The following ASB18 variants were observed in gnomAD, a reference collection of about 807,000 sequenced individuals.
ASB18 encodes the protein ankyrin repeat and SOCS box protein 18.
A neutral mutation model predicts 33.4 loss-of-function variants in ASB18; 33 were observed. The ratio of observed to expected loss-of-function variants is 0.99; its 90% CI spans 0.75 to 1.32. The LOEUF is 1.32. Ranked by LOEUF, ASB18 falls within the 40% of genes most tolerant of loss-of-function variation. ASB18 has a pLI of 0.00. For synonymous variants in ASB18, 295 were observed against 307.6 expected, an observed-to-expected ratio of 0.96 and a Z score of 0.43; for missense variants, 694 against 655.5, an observed-to-expected ratio of 1.06 and a Z score of -0.64.
chr2:236,250,149 G>A lies in ASB18; in HGVS notation c.206-8747C>T, dbSNP rs1315513338. 6.6e-6 allele frequency: 1 copy of A among 152,232 alleles called. No homozygotes were observed. Among genetic ancestry groups the A allele is most frequent in the Non-Finnish European group, 1.5e-5 (1 of 68,052 alleles). 9.4% of individuals were successfully genotyped at this position (152,232 alleles called of 1,614,324 possible). On this transcript the variant is annotated intron_variant, in intron 1 of 5. Transcript: ENST00000409749. The surrounding 1 kb of genome is among the most constrained non-coding windows in gnomAD (Gnocchi z 4.1). ...TTTGAATGGTAACTATTATTTTCAT[G>A]TGACATTGGGATCTTTTCTTCTTGC...
chr2:236,210,272 A>C (rs529377603), intron 4 of ASB18: 2 of 152,384 alleles, frequency 1.3e-5, no homozygotes, highest in East Asian at 3.9e-4. Context: ...GCCGATGCCT[A>C]CATGACTTGG....
At position 236,214,843 on chromosome 2, in the gene ASB18, T is replaced by G. The variant is rs1310472754; in HGVS notation, c.620A>C (p.His207Pro). The change falls in exon 4 of 6, where the codon CAC becomes CCC. Residue 207 changes from histidine (H) to proline (P), a missense_variant. Transcript: ENST00000409749. This position sits in a 1 kb window ranked among gnomAD's most constrained non-coding sequence, Gnocchi z 6.5. ...GCCCACGCGCTGCACCGAGGCCCCG[T>G]GCTCCAGCAGCGCCTGCGCGCACCT... The part of the protein sequence containing the change: ...SLGCAQALLE[H>P]GASVQRVGGT... The G allele has an allele frequency of 1.6e-6, 2 of 1,212,644 alleles. No individual in the cohort carries two copies. The highest frequency in any genetic ancestry group is 3.9e-5 in the South Asian group (1 of 25,902). 75.1% of individuals were successfully genotyped at this position (1,212,644 alleles called of 1,614,324 possible).
Position 236,214,824 on chromosome 2 carries a change from G to T in ASB18, c.639C>A (p.Arg213=). The T allele has an allele frequency of 8.2e-7, 1 of 1,213,384 alleles. No individual in the cohort carries two copies. The highest frequency in any genetic ancestry group is 1.0e-6 in the Non-Finnish European group (1 of 975,870). 75.2% of individuals were successfully genotyped at this position (1,213,384 alleles called of 1,614,324 possible). A position where few individuals can be genotyped will look rare whatever the true frequency, so the allele number is the denominator to read the frequency against. Residue 213 remains arginine, a synonymous_variant, in exon 4 of 6, where the codon CGC becomes CGA. Transcript: ENST00000409749. This position sits in a 1 kb window ranked among gnomAD's most constrained non-coding sequence, Gnocchi z 6.5. ...ALLEHGASVQ[R]VGGTGRDTPL... ...GCGTGTCCCGGCCCGTGCCGCCCACGCGCTGCACCGAGGCCCCGTGCTCCA... is the reference window on the plus strand; with the variant it reads ...GCGTGTCCCGGCCCGTGCCGCCCACTCGCTGCACCGAGGCCCCGTGCTCCA...
In ASB18 at chr2:236,238,371, G is replaced by C. The variant is rs1183640210; in HGVS notation, c.329-415C>G. ...AGTTAGGGCAGCTTGAAAGAGGAAA[G>C]TGGGTTGTGGAATTTTCCCGAATCC... On this transcript the variant is annotated intron_variant, in intron 2 of 5. Coordinates refer to ENST00000409749, the MANE Select transcript of ASB18 (RefSeq NM_212556.4). This position sits in a 1 kb window ranked among gnomAD's most constrained non-coding sequence, Gnocchi z 5.2. 6.6e-6 allele frequency among the ~76,000 whole-genome samples: 1 copy of C among 152,170 alleles called. No homozygotes were observed. The highest frequency in any genetic ancestry group is 1.9e-4 in the East Asian group (1 of 5,192).
At chr2:236,198,774 A>C (rs917802891) in intron 4 of ASB18, among the ~76,000 whole-genome samples, 6 of 152,040 alleles carry the variant, frequency 3.9e-5, no homozygotes, top group African/African-American at 1.4e-4. Flanking sequence ...TCATTTCTTC[A>C]CTGATTTGTA....
At position 236,262,012 on chromosome 2, in the gene ASB18, G is replaced by A. The variant is rs925534623; in HGVS notation, c.205+2129C>T. On this transcript the variant is annotated intron_variant, in intron 1 of 5. Transcript: ENST00000409749. This position sits in a 1 kb window ranked among gnomAD's most constrained non-coding sequence, Gnocchi z 5.2. ...AATTGTGGGAGCTATAATTCAAGATGAGATTTGGGTGGGGACACAGCCAAA... is the reference window on the plus strand; with the variant it reads ...AATTGTGGGAGCTATAATTCAAGATAAGATTTGGGTGGGGACACAGCCAAA... 6.6e-6 allele frequency among the ~76,000 whole-genome samples: 1 copy of A among 152,176 alleles called. No individual in the cohort carries two copies. The highest frequency in any genetic ancestry group is 1.5e-5 in the Non-Finnish European group (1 of 68,046).
rs572015367 is a variant in ASB18, at chr2:236,208,303, A to C, written c.1101+6059T>G. On this transcript the variant is annotated intron_variant, in intron 4 of 5. Transcript: ENST00000409749. This position sits in a 1 kb window ranked among gnomAD's most constrained non-coding sequence, Gnocchi z 7.7. ...ACACATGTTGATATTTCTGGCTCAC[A>C]CGAGCCCCACTAACATGCCATTTCC... Among the ~76,000 whole-genome samples, 144 of 152,198 alleles carry C rather than the reference A, an allele frequency of 9.5e-4. No individual in the cohort carries two copies. Among genetic ancestry groups the C allele is most frequent in the African/African-American group, 3.4e-3 (140 of 41,520 alleles).
rs1035261263 is a variant in ASB18, at chr2:236,226,439, A to G, written c.596+11250T>C. On this transcript the variant is annotated intron_variant, in intron 3 of 5. Coordinates refer to ENST00000409749, the MANE Select transcript of ASB18 (RefSeq NM_212556.4). This position sits in a 1 kb window ranked among gnomAD's most constrained non-coding sequence, Gnocchi z 4.8. ...GAGAAAATGAAACAAGAAAGAAGAA[A>G]GAGGAGGAAGAAGAGGAAGACAGAA... Among the ~76,000 whole-genome samples the G allele has an allele frequency of 1.3e-5, 2 of 148,730 alleles. No homozygotes were observed. The highest frequency in any genetic ancestry group is 6.6e-5 in the Admixed American group (1 of 15,112).
intron 4 of ASB18, among the ~76,000 whole-genome samples, chr2:236,202,007 T>A (rs1415296603): frequency 2.0e-5 from 3 of 151,992 alleles, no homozygotes; most frequent in Non-Finnish European, 4.4e-5. Flanking sequence ...TGGGGTGCAA[T>A]CACGAGATCT....
At position 236,214,517 on chromosome 2, in the gene ASB18, C is replaced by A; in HGVS notation, c.946G>T (p.Gly316Cys). The A allele has an allele frequency of 6.8e-7, 1 of 1,461,480 alleles. No individual in the cohort carries two copies. The highest frequency in any genetic ancestry group is 1.5e-5 in the African/African-American group (1 of 67,084). The allele number at this position is 1,461,480 out of a possible 1,614,324, so 90.5% of individuals were successfully genotyped here. A position where few individuals can be genotyped will look rare whatever the true frequency, so the allele number is the denominator to read the frequency against. The change falls in exon 4 of 6, where the codon GGC (glycine) becomes TGC (cysteine). Residue 316 changes from glycine to cysteine, a missense_variant. Transcript: ENST00000409749. The surrounding 1 kb of genome is among the most constrained non-coding windows in gnomAD (Gnocchi z 6.5). ...TAGTCGAGCGCGCCCGCGTCGGCGC[C>A]GTGCCGCAGTAGGAGGCGCGCCAGG... ...HSLARLLLRH[G>C]ADAGALDYGG...
intron 1 of ASB18, among the ~76,000 whole-genome samples, chr2:236,254,774 A>G (rs2060684339): frequency 6.6e-6 from 1 of 152,010 alleles, no homozygotes; most frequent in South Asian, 2.1e-4. Flanking sequence ...CTTCAAGGGA[A>G]GTGGGTGATC....
rs2060636353 is a variant in ASB18 at position 236,244,702 on chromosome 2, T to C, written c.206-3300A>G. 6.6e-6 allele frequency among the ~76,000 whole-genome samples: 1 copy of C among 152,164 alleles called. No homozygotes were observed. The highest frequency in any genetic ancestry group is 2.4e-5 in the African/African-American group (1 of 41,438). On this transcript the variant is annotated intron_variant, in intron 1 of 5. Coordinates refer to ENST00000409749, the MANE Select transcript of ASB18 (RefSeq NM_212556.4). The surrounding 1 kb of genome is among the most constrained non-coding windows in gnomAD (Gnocchi z 6.1). The stretch of plus-strand genomic sequence containing the variant: ...TTTATTTGGAAGAGTAACCTGGCTT[T>C]TGGGTTGCCCCTTTCACCAAGATCT...
Position 236,249,364 on chromosome 2 carries a change from G to A in ASB18, c.206-7962C>T, listed in dbSNP as rs1160313138. The A allele has an allele frequency of 6.6e-6, 1 of 152,192 alleles. No individual in the cohort carries two copies. Among genetic ancestry groups the A allele is most frequent in the African/African-American group, 2.4e-5 (1 of 41,446 alleles). The allele number at this position is 152,192 out of a possible 1,614,324, so 9.4% of individuals were successfully genotyped here. On this transcript the variant is annotated intron_variant, in intron 1 of 5. Transcript: ENST00000409749. This position sits in a 1 kb window ranked among gnomAD's most constrained non-coding sequence, Gnocchi z 4.6. Reference sequence around the variant, plus strand: ...GCTAGCCCACTAACAGCATCACTTAGTGTATCTGGCAATCACACTGAGGAT... The same window carrying A: ...GCTAGCCCACTAACAGCATCACTTAATGTATCTGGCAATCACACTGAGGAT...
chr2:236,253,546 T>A lies in ASB18; in HGVS notation c.205+10595A>T, dbSNP rs2060678062. ...CACTTGCTGGTTAACTTATTATTAT[T>A]ATTATTATTATTATTATTGTGGTGG... is the stretch of plus-strand genomic sequence containing the variant. On this transcript the variant is annotated intron_variant, in intron 1 of 5. Coordinates refer to ENST00000409749, the MANE Select transcript of ASB18 (RefSeq NM_212556.4). The surrounding 1 kb of genome is among the most constrained non-coding windows in gnomAD (Gnocchi z 5.4). Among the ~76,000 whole-genome samples, 1 of 151,400 alleles carries A rather than the reference T, an allele frequency of 6.6e-6. No homozygotes were observed. The highest frequency in any genetic ancestry group is 2.1e-4 in the South Asian group (1 of 4,758).
Position 236,214,925 on chromosome 2 carries a change from C to A in ASB18, c.597-59G>T. ...ACGCAGGACGCCCGCACCCTTCCAC[C>A]CCCGGCCTGCTGCTGCAAAATATCA... On this transcript the variant is annotated intron_variant, in intron 3 of 5. Transcript: ENST00000409749. This position sits in a 1 kb window ranked among gnomAD's most constrained non-coding sequence, Gnocchi z 6.5. 1 of 1,188,850 alleles carries A rather than the reference C, an allele frequency of 8.4e-7. No homozygotes were observed. The highest frequency in any genetic ancestry group is 1.0e-6 in the Non-Finnish European group (1 of 958,258). 73.6% of individuals were successfully genotyped at this position (1,188,850 alleles called of 1,614,324 possible).
Position 236,203,620 on chromosome 2 carries a change from C to T in ASB18, c.1102-7235G>A, listed in dbSNP as rs1359460340. ...GTGGCTCATGCCTGTAATCCCAGCA[C>T]TTTGGGAAGCCAAGGCAGGCAGATG... On this transcript the variant is annotated intron_variant, in intron 4 of 5. Coordinates refer to ENST00000409749, the MANE Select transcript of ASB18 (RefSeq NM_212556.4). The surrounding 1 kb of genome is among the most constrained non-coding windows in gnomAD (Gnocchi z 6.0). Among the ~76,000 whole-genome samples, 1 of 151,988 alleles carries T rather than the reference C, an allele frequency of 6.6e-6. No individual in the cohort carries two copies. Among genetic ancestry groups the T allele is most frequent in the African/African-American group, 2.4e-5 (1 of 41,348 alleles).
chr2:236,263,981 T>G lies in ASB18; in HGVS notation c.205+160A>C, dbSNP rs2060733126. On this transcript the variant is annotated intron_variant, in intron 1 of 5. Coordinates refer to ENST00000409749, the MANE Select transcript of ASB18 (RefSeq NM_212556.4). This position sits in a 1 kb window ranked among gnomAD's most constrained non-coding sequence, Gnocchi z 4.0. ...ATGTCGCACACGCATGTACATGGTCTATGCAGTACACATATATGCATGTAT... is the reference window on the plus strand; with the variant it reads ...ATGTCGCACACGCATGTACATGGTCGATGCAGTACACATATATGCATGTAT... Among the ~76,000 whole-genome samples the G allele has an allele frequency of 6.6e-6, 1 of 152,262 alleles. No individual in the cohort carries two copies. The highest frequency in any genetic ancestry group is 2.1e-4 in the South Asian group (1 of 4,836).
rs998419207 is a variant in ASB18 at position 236,245,671 on chromosome 2, G to T, written c.206-4269C>A. Among the ~76,000 whole-genome samples the T allele has an allele frequency of 1.3e-5, 2 of 152,100 alleles. No homozygotes were observed. Among genetic ancestry groups the T allele is most frequent in the African/African-American group, 4.8e-5 (2 of 41,388 alleles). On this transcript the variant is annotated intron_variant, in intron 1 of 5. Transcript: ENST00000409749. The surrounding 1 kb of genome is among the most constrained non-coding windows in gnomAD (Gnocchi z 4.7). ...TCCTTGCACTCTGACTGTGGCACTG[G>T]GCGCTCTACTATTACTGCTGGTTCC...
chr2:236,214,160 A>T lies in ASB18; in HGVS notation c.1101+202T>A, dbSNP rs908098682. ...CTCAAAATGGGGTCCCAGGAACAGC[A>T]GTCTAGGCCACACCCGGGAGCTTGT... On this transcript the variant is annotated intron_variant, in intron 4 of 5. Coordinates refer to ENST00000409749, the MANE Select transcript of ASB18 (RefSeq NM_212556.4). This position sits in a 1 kb window ranked among gnomAD's most constrained non-coding sequence, Gnocchi z 6.5. 1 of 575,472 alleles carries T rather than the reference A, an allele frequency of 1.7e-6. No homozygotes were observed. The highest frequency in any genetic ancestry group is 3.0e-6 in the Non-Finnish European group (1 of 335,246). The allele number at this position is 575,472 out of a possible 1,614,324, so 35.6% of individuals were successfully genotyped here. A position where few individuals can be genotyped will look rare whatever the true frequency, so the allele number is the denominator to read the frequency against.
Sources: gnomAD v4.1 joint callset for allele counts (sites outside exome capture counted in the v4.1 genomes callset) on GRCh38, gnomAD v4.1.1 for gene constraint, Gnocchi (gnomAD v3.1) non-coding constraint, MANE v1.5 for transcripts, NCBI Gene and HGNC (gene_info 2026-07-23, HGNC 2026-07-21) for gene names.